The following CTNNA2 variants were observed in gnomAD, a reference collection of about 807,000 sequenced individuals.
CTNNA2 encodes the protein catenin alpha 2.
CTNNA2 carries 42 observed loss-of-function variants against 101.0 expected under a neutral mutation model. The observed-to-expected ratio is 0.42, with a 90% CI of 0.32 to 0.54. The LOEUF is 0.54. CTNNA2 is among the 20% of genes least tolerant of loss of function. The probability of loss-of-function intolerance (pLI) is 0.14; values close to 1 mark genes in which losing one functional copy is unlikely to be tolerated. For synonymous variants in CTNNA2, 450 were observed against 456.4 expected, an observed-to-expected ratio of 0.99 and a Z score of 0.18; for missense variants, 871 against 1,223.1, an observed-to-expected ratio of 0.71 and a Z score of 4.29.
chr2:80,104,846 C>T (rs1700782622), intron 7 of CTNNA2, among the ~76,000 whole-genome samples: 1 of 152,158 alleles, frequency 6.6e-6, no homozygotes, highest in Non-Finnish European at 1.5e-5. Flanking sequence ...AATTTTTAAA[C>T]ATGTTTCCTC....
At chr2:79,993,705 C>A (rs1692341548) in intron 7 of CTNNA2, among the ~76,000 whole-genome samples, 1 of 151,878 alleles carries the variant, frequency 6.6e-6, no homozygotes, top group East Asian at 1.9e-4. Context: ...GCAGACAGAG[C>A]AAAGGAGGGT....
intron 15 of CTNNA2, chr2:80,601,483 G>T: frequency 7.9e-6 from 1 of 126,688 alleles, no homozygotes; most frequent in Non-Finnish European, 1.6e-5. Context: ...AAATCAGACT[G>T]TTTTGATTTT....
intron 4 of CTNNA2, among the ~76,000 whole-genome samples, chr2:79,402,645 A>G (rs911750570): frequency 5.9e-5 from 9 of 151,738 alleles, no homozygotes; most frequent in African/African-American, 2.2e-4. Context: ...AGGTAACTGA[A>G]ACTTCAGAGA....
intron 7 of CTNNA2, among the ~76,000 whole-genome samples, chr2:80,163,939 TTAA>T (rs1319741117): frequency 6.6e-6 from 1 of 151,726 alleles, no homozygotes; most frequent in Non-Finnish European, 1.5e-5. Context: ...CTTTTTTTCA[TTAA>T]TAATATTTAT....
chr2:80,585,399 G>A (rs1241150386), intron 14 of CTNNA2, among the ~76,000 whole-genome samples: 1 of 152,124 alleles, frequency 6.6e-6, no homozygotes, highest in African/African-American at 2.4e-5. Context: ...TAATATCTCT[G>A]ATACCACTAA....
chr2:80,031,808 A>C (rs1419485544), intron 7 of CTNNA2, among the ~76,000 whole-genome samples: 1 of 152,236 alleles, frequency 6.6e-6, no homozygotes, highest in Non-Finnish European at 1.5e-5. Flanking sequence ...TGTTTAAATA[A>C]TTCTAATTGA....
At chr2:79,677,003 A>G (rs909033467) in intron 2 of CTNNA2, among the ~76,000 whole-genome samples, 7 of 152,146 alleles carry the variant, frequency 4.6e-5, no homozygotes, top group African/African-American at 1.7e-4. Flanking sequence ...GCACTTGGCT[A>G]ACTGCAACCT....
intron 4 of CTNNA2, among the ~76,000 whole-genome samples, chr2:79,481,027 T>C (rs1440175285): frequency 2.6e-5 from 4 of 152,134 alleles, no homozygotes; most frequent in East Asian, 1.9e-4. Context: ...GTAGCTATTA[T>C]CTTTTATTTC....
At chr2:79,328,995 GTCTA>G (rs527254535) in intron 3 of CTNNA2, among the ~76,000 whole-genome samples, 309 of 152,298 alleles carry the variant, frequency 2.0e-3, no homozygotes, top group African/African-American at 7.4e-3. Context: ...GGGTGTCTGT[GTCTA>G]TGTGTCCAAA....
intron 2 of CTNNA2, among the ~76,000 whole-genome samples, chr2:79,212,512 C>G (rs1425957398): frequency 1.3e-5 from 2 of 152,036 alleles, no homozygotes; most frequent in Non-Finnish European, 2.9e-5. Flanking sequence ...TTTAAAAGAC[C>G]AATAGTACAT....
chr2:79,853,209 A>T (rs1333622822), intron 3 of CTNNA2, among the ~76,000 whole-genome samples: 2 of 152,020 alleles, frequency 1.3e-5, no homozygotes, highest in Non-Finnish European at 2.9e-5. Context: ...TACAAGCTGG[A>T]GTGGTGCAAT....
At chr2:79,941,731 G>A (rs1178131645) in intron 7 of CTNNA2, among the ~76,000 whole-genome samples, 1 of 152,168 alleles carries the variant, frequency 6.6e-6, no homozygotes, top group African/African-American at 2.4e-5. Flanking sequence ...TGATTCTCCT[G>A]TGTCAGCCTC....
chr2:79,308,342 A>G (rs781351523), intron 2 of CTNNA2, among the ~76,000 whole-genome samples: 6 of 152,112 alleles, frequency 3.9e-5, no homozygotes, highest in Non-Finnish European at 7.4e-5. Context: ...CACAGCGCCC[A>G]GCCCATTTGT....
chr2:79,435,836 G>A (rs1471261285), intron 4 of CTNNA2, among the ~76,000 whole-genome samples: 5 of 152,140 alleles, frequency 3.3e-5, no homozygotes, highest in East Asian at 1.9e-4. Flanking sequence ...AGCCTCATCC[G>A]AGTGAACTGA....
chr2:79,860,728 T>C (rs866848857), intron 4 of CTNNA2, among the ~76,000 whole-genome samples: 1 of 152,090 alleles, frequency 6.6e-6, no homozygotes, highest in Non-Finnish European at 1.5e-5. Context: ...TGTTGCTATC[T>C]TGTGGAGCAA....
At chr2:79,265,626 A>G (rs1283183255) in intron 2 of CTNNA2, among the ~76,000 whole-genome samples, 1 of 152,210 alleles carries the variant, frequency 6.6e-6, no homozygotes, top group African/African-American at 2.4e-5. Flanking sequence ...AGGCATCTCA[A>G]AGCCAAGGGT....
At chr2:79,469,894 C>T (rs1230832701) in intron 4 of CTNNA2, among the ~76,000 whole-genome samples, 1 of 152,102 alleles carries the variant, frequency 6.6e-6, no homozygotes, top group East Asian at 1.9e-4. Context: ...ATGAAAAGAG[C>T]TATTTATGAC....
chr2:80,196,879 A>G (rs573038588), intron 7 of CTNNA2, among the ~76,000 whole-genome samples: 1 of 152,308 alleles, frequency 6.6e-6, no homozygotes, highest in African/African-American at 2.4e-5. Flanking sequence ...ACAGTTCTTT[A>G]ATGTGATTCT....
At chr2:80,590,630 C>T (rs1166284107) in intron 15 of CTNNA2, among the ~76,000 whole-genome samples, 1 of 152,092 alleles carries the variant, frequency 6.6e-6, no homozygotes, top group African/African-American at 2.4e-5. Context: ...TATGGAACAT[C>T]TCTGCGTCAC....
Sources: allele counts gnomAD v4.1 joint callset (sites outside exome capture counted in the v4.1 genomes callset), GRCh38; gene constraint gnomAD v4.1.1; transcripts MANE v1.5; gene names NCBI Gene and HGNC (gene_info 2026-07-23, HGNC 2026-07-21).